Variants in FRMD3 observed in about 807,000 individuals in gnomAD.
FRMD3 encodes FERM domain-containing protein 3.
In FRMD3, 33 loss-of-function variants were observed where a neutral mutation model predicts 70.2. That is an observed-to-expected ratio of 0.47 (90% confidence interval 0.36 to 0.63). The LOEUF (loss-of-function observed/expected upper bound fraction) is 0.63, where lower values mean the gene tolerates loss of function less well. Ranked by LOEUF, FRMD3 falls within the 20% of genes least tolerant of loss-of-function variation. FRMD3 has a pLI of 0.00. For missense variants in FRMD3, 632 were observed against 711.4 expected, an observed-to-expected ratio of 0.89 and a Z score of 1.27; for synonymous variants, 279 against 255.9, an observed-to-expected ratio of 1.09 and a Z score of -0.86.
intron 1 of FRMD3, among the ~76,000 whole-genome samples, chr9:83,440,763 A>G (rs1340125502): frequency 1.3e-5 from 2 of 152,186 alleles, no homozygotes; most frequent in East Asian, 3.9e-4. Flanking sequence ...CCGTTTTCTT[A>G]TCTATCAGAT....
At chr9:83,472,908 G>A (rs1431430794) in intron 1 of FRMD3, among the ~76,000 whole-genome samples, 3 of 152,120 alleles carry the variant, frequency 2.0e-5, no homozygotes, top group Non-Finnish European at 2.9e-5. Context: ...AGGCAGTCAA[G>A]TCACGAGTGT....
chr9:83,431,461 A>G (rs887576175), intron 1 of FRMD3, among the ~76,000 whole-genome samples: 2 of 152,200 alleles, frequency 1.3e-5, no homozygotes, highest in African/African-American at 2.4e-5. Context: ...ATTTATCTTA[A>G]TTAATACTCT....
chr9:83,451,225 C>T (rs758557985), intron 1 of FRMD3, among the ~76,000 whole-genome samples: 2 of 152,104 alleles, frequency 1.3e-5, no homozygotes, highest in Non-Finnish European at 2.9e-5. Flanking sequence ...ATTTTCCATA[C>T]TACACATGTA....
intron 13 of FRMD3, among the ~76,000 whole-genome samples, chr9:83,280,198 C>T (rs748695333): frequency 1.3e-5 from 2 of 152,156 alleles, no homozygotes; most frequent in African/African-American, 4.8e-5. Context: ...ATGTCCAGCA[C>T]GTGCCAGATA....
intron 3 of FRMD3, chr9:83,350,950 G>A (rs901015346): frequency 2.8e-5 from 24 of 861,010 alleles, no homozygotes; most frequent in Admixed American, 6.2e-5. Context: ...CTTAAATCAA[G>A]GAAATAAAAT....
intron 1 of FRMD3, among the ~76,000 whole-genome samples, chr9:83,474,909 C>A (rs529347400): frequency 7.2e-5 from 11 of 151,998 alleles, no homozygotes; most frequent in Non-Finnish European, 1.6e-4. Context: ...GAGTTCAGGG[C>A]CTACCAAAGT....
rs934543756 is a variant in FRMD3 at position 83,272,276 on chromosome 9, G to A, written c.1195+18327C>T. Among the ~76,000 whole-genome samples, 19 of 146,076 alleles carry A rather than the reference G, an allele frequency of 1.3e-4. 1 individual carries two copies. The highest frequency in any genetic ancestry group is 9.6e-4 in the Admixed American group (14 of 14,654). ...GCGCCGCCACGCCTGACTGGTTTTC[G>A]TTTTTTTTTTTGGTGGAGACGGGGT... On this transcript the variant is annotated intron_variant, in intron 13 of 13. Transcript: ENST00000304195.
chr9:83,352,323 T>C (rs993944199), intron 3 of FRMD3, among the ~76,000 whole-genome samples: 18 of 152,256 alleles, frequency 1.2e-4, no homozygotes, highest in African/African-American at 4.3e-4. Flanking sequence ...AAAAGGAAGA[T>C]CACAGAAAAT....
chr9:83,362,211 A>ATCTCTCTCTCTCTC (rs1564035399), intron 3 of FRMD3, among the ~76,000 whole-genome samples: 2 of 141,662 alleles, frequency 1.4e-5, no homozygotes, highest in African/African-American at 5.3e-5. Flanking sequence ...CTCTCTCTCA[A>ATCTCTCTCTCTCTC]TCTCAATCTC....
chr9:83,243,289 G>C, downstream of FRMD3: 1 of 1,421,500 alleles, frequency 7.0e-7, no homozygotes, highest in Admixed American at 2.0e-5. Flanking sequence ...CAAGTAAGCA[G>C]CGACCTTCAG....
intron 1 of FRMD3, among the ~76,000 whole-genome samples, chr9:83,522,246 T>C (rs910740564): frequency 1.3e-5 from 2 of 152,216 alleles, no homozygotes; most frequent in African/African-American, 4.8e-5. Context: ...TGGAAGGTGA[T>C]TACGGTTGCA....
chr9:83,399,603 G>A (rs573815769), intron 1 of FRMD3, among the ~76,000 whole-genome samples: 1 of 152,256 alleles, frequency 6.6e-6, no homozygotes, highest in East Asian at 1.9e-4. Flanking sequence ...TTTTAACAAA[G>A]TGAGTTTTTT....
In FRMD3 at chr9:83,537,828, G is replaced by C. The variant is rs901308278; in HGVS notation, c.147+257C>G. On this transcript the variant is annotated intron_variant, in intron 1 of 13. Coordinates refer to ENST00000304195, the MANE Select transcript of FRMD3 (RefSeq NM_174938.6). This position sits in a 1 kb window ranked among gnomAD's most constrained non-coding sequence, Gnocchi z 4.1. ...CGCGCCCCTAGCCCGGGCGCAGTGAGACGCGCGCGCAGGGTGCACGCGAGG... is the reference window on the plus strand; with the variant it reads ...CGCGCCCCTAGCCCGGGCGCAGTGACACGCGCGCGCAGGGTGCACGCGAGG... Among the ~76,000 whole-genome samples the C allele has an allele frequency of 6.6e-5, 10 of 150,488 alleles. No homozygotes were observed. The highest frequency in any genetic ancestry group is 1.0e-4 in the Non-Finnish European group (7 of 67,532).
At chr9:83,511,250 T>C (rs559094390) in intron 1 of FRMD3, among the ~76,000 whole-genome samples, 3 of 152,310 alleles carry the variant, frequency 2.0e-5, no homozygotes, top group South Asian at 2.1e-4. Context: ...TTACAAAATA[T>C]AATGCACTGT....
At chr9:83,368,534 G>A (rs1824864426) in intron 3 of FRMD3, among the ~76,000 whole-genome samples, 2 of 152,078 alleles carry the variant, frequency 1.3e-5, no homozygotes, top group African/African-American at 4.8e-5. Flanking sequence ...GGAGAAATAA[G>A]ACTTTGATTT....
At chr9:83,398,676 GAAGA>G (rs1185986424) in intron 1 of FRMD3, among the ~76,000 whole-genome samples, 2 of 152,098 alleles carry the variant, frequency 1.3e-5, no homozygotes, top group African/African-American at 4.8e-5. Flanking sequence ...ATTTTTAAAA[GAAGA>G]AAGAAATATG....
At chr9:83,264,636 A>C (rs1321198952) in intron 13 of FRMD3, among the ~76,000 whole-genome samples, 1 of 152,206 alleles carries the variant, frequency 6.6e-6, no homozygotes, top group Non-Finnish European at 1.5e-5. Context: ...CTAAAAGTAT[A>C]ACTTCCTTTG....
In FRMD3 at chr9:83,330,305, G is replaced by A. The variant is rs574638261; in HGVS notation, c.596+5211C>T. 4.7e-5 allele frequency among the ~76,000 whole-genome samples: 7 copies of A among 150,282 alleles called. No individual in the cohort carries two copies. The East Asian group carries it at 5.9e-4, about 13-fold the overall frequency. ...CTTGAACCCAGGAGGTGGAGGTTGCGGTGCGCAAAACTCCATCTCAAAAAA... is the reference window on the plus strand; with the variant it reads ...CTTGAACCCAGGAGGTGGAGGTTGCAGTGCGCAAAACTCCATCTCAAAAAA... On this transcript the variant is annotated intron_variant, in intron 6 of 13. Transcript: ENST00000304195.
intron 6 of FRMD3, among the ~76,000 whole-genome samples, chr9:83,316,161 C>CTTTTTTTT (rs34851421): frequency 1.4e-4 from 16 of 112,596 alleles, no homozygotes; most frequent in African/African-American, 5.5e-4. Flanking sequence ...TTTTTTTTTT[C>CTTTTTTTT]TTTTTTTTTT....
Sources: gnomAD v4.1 joint callset for allele counts (sites outside exome capture counted in the v4.1 genomes callset) on GRCh38, gnomAD v4.1.1 for gene constraint, Gnocchi (gnomAD v3.1) non-coding constraint, MANE v1.5 for transcripts, NCBI Gene and HGNC (gene_info 2026-07-23, HGNC 2026-07-21) for gene names.